Variants in KIT observed in about 807,000 individuals in gnomAD.
KIT encodes the protein KIT proto-oncogene, receptor tyrosine kinase.
KIT carries 16 observed loss-of-function variants against 105.7 expected under a neutral mutation model. That is an observed-to-expected ratio of 0.15 (90% confidence interval 0.10 to 0.23). The LOEUF (loss-of-function observed/expected upper bound fraction) is 0.23. Among genes scored for constraint, KIT ranks in the 10% least tolerant of loss-of-function variants. The pLI, the probability that KIT is intolerant of heterozygous loss-of-function variation, is 1.00. For synonymous variants in KIT, 438 were observed against 441.1 expected, an observed-to-expected ratio of 0.99 and a Z score of 0.09; for missense variants, 858 against 1,213.8, an observed-to-expected ratio of 0.71 and a Z score of 4.36.
chr4:54,673,406 T>C lies in KIT; in HGVS notation c.67+15325T>C, dbSNP rs867945304. ...CTGGTTCATTTAAGACACTGTTCAT[T>C]TTTATTTGCTCTCGTGTTGTCTTTA... On this transcript the variant is annotated intron_variant, in intron 1 of 20. Coordinates refer to ENST00000288135, the MANE Select transcript of KIT (RefSeq NM_000222.3). Among the ~76,000 whole-genome samples the C allele has an allele frequency of 5.9e-5, 9 of 152,344 alleles. No individual in the cohort carries two copies. The South Asian group carries it at 1.9e-3, about 32-fold the overall frequency.
intron 1 of KIT, among the ~76,000 whole-genome samples, chr4:54,658,628 G>C (rs1048505889): frequency 1.3e-4 from 20 of 152,054 alleles, no homozygotes; most frequent in African/African-American, 4.8e-4. Flanking sequence ...CCCAGAGCTG[G>C]GGACCGACCC....
intron 1 of KIT, among the ~76,000 whole-genome samples, chr4:54,678,350 T>C (rs368551304): frequency 0.29 from 17,156 of 58,444 alleles, 2,638 homozygotes; most frequent in Non-Finnish European, 0.33. Flanking sequence ...CCTTCCTTCC[T>C]TCCCTCCCTC....
intron 1 of KIT, among the ~76,000 whole-genome samples, chr4:54,667,444 TTTAAG>T (rs1262371977): frequency 1.3e-5 from 2 of 152,240 alleles, no homozygotes; most frequent in African/African-American, 4.8e-5. Context: ...TGTAATAAGA[TTTAAG>T]TTAACAATTC....
chr4:54,736,860 C>T lies in KIT; in HGVS notation c.2696+40C>T, dbSNP rs758877652. On this transcript the variant is annotated intron_variant, in intron 19 of 20. Transcript: ENST00000288135. Reference sequence around the variant, plus strand: ...ATTTTTCCTTTAGGTCACGTTTTCCCTTTTATTTTTCTTTTTAGAGACAGA... The same window carrying T: ...ATTTTTCCTTTAGGTCACGTTTTCCTTTTTATTTTTCTTTTTAGAGACAGA... 3 of 1,490,924 alleles carry T rather than the reference C, an allele frequency of 2.0e-6. No individual in the cohort carries two copies. In the Admixed American group the frequency reaches 5.1e-5, roughly 25 times the overall value. The allele number at this position is 1,490,924 out of a possible 1,614,324, so 92.4% of individuals were successfully genotyped here. A position where few individuals can be genotyped will look rare whatever the true frequency, so the allele number is the denominator to read the frequency against.
intron 6 of KIT, among the ~76,000 whole-genome samples, chr4:54,708,091 G>T (rs1172963154): frequency 6.6e-6 from 1 of 152,172 alleles, no homozygotes; most frequent in African/African-American, 2.4e-5. Context: ...AGGTCTCCAG[G>T]TGATTGAGAG....
intron 7 of KIT, among the ~76,000 whole-genome samples, chr4:54,711,687 C>A (rs1413416671): frequency 1.6e-5 from 1 of 62,836 alleles, no homozygotes; most frequent in Non-Finnish European, 5.3e-5. Context: ...TTTGGGAGGC[C>A]GAAGCAGGTG....
chr4:54,697,830 A>C (rs1164583466), intron 2 of KIT, among the ~76,000 whole-genome samples: 1 of 152,188 alleles, frequency 6.6e-6, no homozygotes, highest in Non-Finnish European at 1.5e-5. Flanking sequence ...TCTCACTAGG[A>C]ATCATCACAC....
At chr4:54,696,551 C>A (rs1720080865) in intron 2 of KIT, among the ~76,000 whole-genome samples, 1 of 152,154 alleles carries the variant, frequency 6.6e-6, no homozygotes, top group Admixed American at 6.5e-5. Context: ...TTGAAACAGG[C>A]CTGAGAGGCC....
intron 1 of KIT, among the ~76,000 whole-genome samples, chr4:54,688,218 G>A (rs948140129): frequency 6.6e-6 from 1 of 152,150 alleles, no homozygotes; most frequent in African/African-American, 2.4e-5. Flanking sequence ...TGTTGTGGGC[G>A]ATTACTGGGA....
Position 54,723,734 on chromosome 4 carries a change from G to T in KIT, c.1346+36G>T, listed in dbSNP as rs370713328. 27 of 1,178,060 alleles carry T rather than the reference G, an allele frequency of 2.3e-5. No homozygotes were observed. In the African/African-American group the frequency reaches 3.5e-4, roughly 15 times the overall value. The allele number at this position is 1,178,060 out of a possible 1,614,324, so 73.0% of individuals were successfully genotyped here. A position where few individuals can be genotyped will look rare whatever the true frequency, so the allele number is the denominator to read the frequency against. On this transcript the variant is annotated intron_variant, in intron 8 of 20. Transcript: ENST00000288135. ...TATTTTTGGCACTGCTTATAATGCA[G>T]AGGGGAAGGACTGCAATTCACTTGA...
chr4:54,705,596 T>TA (rs1445154956), intron 5 of KIT, among the ~76,000 whole-genome samples: 1 of 152,204 alleles, frequency 6.6e-6, no homozygotes, highest in Non-Finnish European at 1.5e-5. Flanking sequence ...GTTAACATTT[T>TA]ACCTGGTTTT....
At position 54,738,569 on chromosome 4, in the gene KIT, GT is replaced by G. The variant is rs2109819889; in HGVS notation, c.*15del. On this transcript the variant is annotated 3_prime_UTR_variant, in exon 21 of 21. Coordinates refer to ENST00000288135, the MANE Select transcript of KIT (RefSeq NM_000222.3). ...ACGACGATGTCTGAGCAGAATCAGT[GT>G]TTGGGTCACCCCTCCAGGAATGATC... 6.2e-7 allele frequency: 1 copy of G among 1,613,678 alleles called. No homozygotes were observed. Among genetic ancestry groups the G allele is most frequent in the Non-Finnish European group, 8.5e-7 (1 of 1,179,988 alleles).
intron 1 of KIT, among the ~76,000 whole-genome samples, chr4:54,680,807 G>C (rs1249329956): frequency 6.6e-6 from 1 of 152,072 alleles, no homozygotes; most frequent in African/African-American, 2.4e-5. Flanking sequence ...ATATTGGAGC[G>C]CCTAGCTCAC....
At chr4:54,714,078 A>G (rs992911342) in intron 7 of KIT, among the ~76,000 whole-genome samples, 1 of 152,254 alleles carries the variant, frequency 6.6e-6, no homozygotes. Flanking sequence ...ACTCTAATTA[A>G]CTTTTGGAAT....
intron 14 of KIT, among the ~76,000 whole-genome samples, chr4:54,731,086 C>T (rs1005565957): frequency 6.6e-6 from 1 of 152,114 alleles, no homozygotes; most frequent in African/African-American, 2.4e-5. Flanking sequence ...AACCTGAGTC[C>T]TCTATATGAT....
intron 17 of KIT, among the ~76,000 whole-genome samples, chr4:54,734,019 C>T (rs1375065846): frequency 1.3e-5 from 2 of 152,148 alleles, no homozygotes; most frequent in African/African-American, 2.4e-5. Flanking sequence ...TGTGGCGTCT[C>T]TATTGGTAGC....
At chr4:54,689,373 A>T (rs1392858398) in intron 1 of KIT, among the ~76,000 whole-genome samples, 2 of 152,246 alleles carry the variant, frequency 1.3e-5, no homozygotes, top group Non-Finnish European at 2.9e-5. Flanking sequence ...GCAAAGATAC[A>T]CTAGAGAAGA....
rs1356742397 is a variant in KIT at position 54,720,054 on chromosome 4, TG to T, written c.1232-3529del. 3.9e-5 allele frequency among the ~76,000 whole-genome samples: 6 copies of T among 152,252 alleles called. No individual in the cohort carries two copies. The East Asian group carries it at 9.7e-4, about 25-fold the overall frequency. On this transcript the variant is annotated intron_variant, in intron 7 of 20. Transcript: ENST00000288135. ...CCACTCATAGGCCCTTTAGGGTTAGTGCCTTCTTATTTTTATGCCCTGGGTG... is the reference window on the plus strand; with the variant it reads ...CCACTCATAGGCCCTTTAGGGTTAGTCCTTCTTATTTTTATGCCCTGGGTG...
rs1237984655 is a variant in KIT, at chr4:54,736,786, C to T, written c.2662C>T (p.Arg888Trp). The T allele has an allele frequency of 3.1e-6, 5 of 1,614,068 alleles. No homozygotes were observed. Among genetic ancestry groups the T allele is most frequent in the East Asian group, 2.2e-5 (1 of 44,862 alleles). The change falls in exon 19 of 21, where the codon CGG (arginine) becomes TGG (tryptophan). Residue 888 changes from arginine (R) to tryptophan (W), a missense_variant. By Grantham distance (101) the Arg-to-Trp change is moderately radical. Around this residue, in one of 7 missense-constraint regions of KIT, gnomAD observed 63 missense variants for 137.4 expected, o/e 0.46. Coordinates refer to ENST00000288135, the MANE Select transcript of KIT (RefSeq NM_000222.3). The part of the protein sequence containing the change: ...KFYKMIKEGF[R>W]MLSPEHAPAE... ...CTACAAGATGATCAAGGAAGGCTTC[C>T]GGATGCTCAGCCCTGAACACGCACC... is the stretch of plus-strand genomic sequence containing the variant.
Sources: gnomAD v4.1 joint callset for allele counts (sites outside exome capture counted in the v4.1 genomes callset) on GRCh38, gnomAD v4.1.1 for gene constraint, gnomAD v4.1.1 regional missense constraint, MANE v1.5 for transcripts, NCBI Gene and HGNC (gene_info 2026-07-23, HGNC 2026-07-21) for gene names.